FER1L6: variants seen among roughly 807,000 people sequenced by gnomAD.
The protein encoded by FER1L6 is fer-1-like protein 6.
A neutral mutation model predicts 219.2 loss-of-function variants in FER1L6; 177 were observed. The ratio of observed to expected loss-of-function variants is 0.81; its 90% CI spans 0.71 to 0.91. FER1L6 has a LOEUF of 0.91. Among genes scored for constraint, FER1L6 ranks in the 40% least tolerant of loss-of-function variants. The pLI, the probability that FER1L6 is intolerant of heterozygous loss-of-function variation, is 0.00. For missense variants in FER1L6, 2,153 were observed against 2,259.9 expected, an observed-to-expected ratio of 0.95 and a Z score of 0.96; for synonymous variants, 768 against 824.3, an observed-to-expected ratio of 0.93 and a Z score of 1.17.
intron 10 of FER1L6, among the ~76,000 whole-genome samples, chr8:123,979,898 C>A (rs1407518317): frequency 6.6e-6 from 1 of 152,148 alleles, no homozygotes; most frequent in Admixed American, 6.5e-5. Context: ...CAAGACCCAC[C>A]TACCTCTTCA....
At chr8:124,100,998 GCT>G (rs1452721196) in intron 37 of FER1L6, 97 bp from the exon 38 acceptor site, 23 of 1,100,026 alleles carry the variant, frequency 2.1e-5, no homozygotes, top group Non-Finnish European at 2.9e-5. Flanking sequence ...TTTAAACTAT[GCT>G]CTGTGACCAC....
At chr8:124,018,470 G>A (rs995868235) in intron 16 of FER1L6, among the ~76,000 whole-genome samples, 1 of 152,170 alleles carries the variant, frequency 6.6e-6, no homozygotes, top group Non-Finnish European at 1.5e-5. Flanking sequence ...CTTCGTCCCA[G>A]AATGCTTCTT....
intron 1 of FER1L6, among the ~76,000 whole-genome samples, chr8:123,943,460 TCAAA>T (rs113696630): frequency 5.3e-5 from 8 of 152,264 alleles, no homozygotes; most frequent in African/African-American, 1.9e-4. Flanking sequence ...GCACTCAATT[TCAAA>T]CAGAGATAGG....
At chr8:123,925,736 A>G (rs1195255736) in intron 1 of FER1L6, 1 of 152,174 alleles carries the variant, frequency 6.6e-6, no homozygotes, top group Non-Finnish European at 1.5e-5. Context: ...CTTGGAGACC[A>G]TTGCCGTCTG....
chr8:123,896,092 C>T (rs888477974), intron 1 of FER1L6, among the ~76,000 whole-genome samples: 3 of 152,042 alleles, frequency 2.0e-5, no homozygotes, highest in South Asian at 4.1e-4. Flanking sequence ...AAGTGCTGTC[C>T]GGGGAAGGAG....
chr8:123,907,904 A>G (rs577542498), intron 1 of FER1L6, among the ~76,000 whole-genome samples: 1 of 152,036 alleles, frequency 6.6e-6, no homozygotes, highest in African/African-American at 2.4e-5. Context: ...CACACATGGG[A>G]CATTCACAAC....
At chr8:123,974,216 G>A (rs576686173) in intron 7 of FER1L6, among the ~76,000 whole-genome samples, 12 of 152,294 alleles carry the variant, frequency 7.9e-5, no homozygotes, top group East Asian at 1.9e-4. Context: ...GCATAGCTGC[G>A]TGCAGCAGCC....
At chr8:124,056,912 C>T (rs768447062) in intron 22 of FER1L6, among the ~76,000 whole-genome samples, 1 of 152,068 alleles carries the variant, frequency 6.6e-6, no homozygotes, top group African/African-American at 2.4e-5. Context: ...GGCGCGGTGG[C>T]GTGCAATTGT....
At chr8:123,938,854 T>C (rs1814111397) in intron 1 of FER1L6, among the ~76,000 whole-genome samples, 1 of 152,198 alleles carries the variant, frequency 6.6e-6, no homozygotes, top group Non-Finnish European at 1.5e-5. Context: ...AGCCTTTACC[T>C]GTCTCTTGAG....
At chr8:124,055,576 TATA>T (rs1291036708) in intron 22 of FER1L6, among the ~76,000 whole-genome samples, 1 of 152,184 alleles carries the variant, frequency 6.6e-6, no homozygotes, top group East Asian at 1.9e-4. Flanking sequence ...CCCCTACTTT[TATA>T]ATGTTTCTCT....
chr8:124,022,810 T>C (rs1344259836), intron 17 of FER1L6, among the ~76,000 whole-genome samples: 1 of 121,102 alleles, frequency 8.3e-6, no homozygotes, highest in East Asian at 2.3e-4. Context: ...AAAGTGTTTG[T>C]CCTGCAGATG....
intron 38 of FER1L6, among the ~76,000 whole-genome samples, chr8:124,101,826 G>A (rs1822559583): frequency 6.6e-6 from 1 of 152,160 alleles, no homozygotes; most frequent in African/African-American, 2.4e-5. Flanking sequence ...GATGACATGT[G>A]TCCAAAGTGG....
chr8:124,104,051 G>A (rs928132728), intron 39 of FER1L6, among the ~76,000 whole-genome samples: 1 of 152,204 alleles, frequency 6.6e-6, no homozygotes, highest in Non-Finnish European at 1.5e-5. Context: ...AGGATCCAGT[G>A]GGTGTGAGGC....
chr8:123,915,383 A>G (rs565572514), intron 1 of FER1L6, among the ~76,000 whole-genome samples: 1 of 152,080 alleles, frequency 6.6e-6, no homozygotes, highest in Non-Finnish European at 1.5e-5. Flanking sequence ...AAGGGTCTGG[A>G]CACTTTTTAA....
intron 3 of FER1L6, among the ~76,000 whole-genome samples, chr8:123,965,015 A>G (rs576713956): frequency 6.6e-6 from 1 of 152,218 alleles, no homozygotes. Flanking sequence ...TTCACATAAT[A>G]AATAATCAGT....
chr8:123,957,026 C>T (rs1156337218), intron 2 of FER1L6, among the ~76,000 whole-genome samples: 1 of 152,138 alleles, frequency 6.6e-6, no homozygotes, highest in Non-Finnish European at 1.5e-5. Context: ...TGCTGCATAG[C>T]CTTGATTAAA....
chr8:124,112,758 C>T (rs1479091693), intron 39 of FER1L6, among the ~76,000 whole-genome samples: 2 of 152,086 alleles, frequency 1.3e-5, no homozygotes, highest in East Asian at 3.8e-4. Flanking sequence ...AAGATAAATT[C>T]TTAGCATCCT....
intron 12 of FER1L6, among the ~76,000 whole-genome samples, chr8:124,001,262 C>CTT (rs1472259727): frequency 6.6e-6 from 1 of 152,192 alleles, no homozygotes; most frequent in Non-Finnish European, 1.5e-5. Context: ...TACTATAATA[C>CTT]CTTCCTTTTG....
At chr8:123,884,674 A>G (rs750576722) in intron 1 of FER1L6, among the ~76,000 whole-genome samples, 3 of 152,146 alleles carry the variant, frequency 2.0e-5, no homozygotes, top group Non-Finnish European at 2.9e-5. Context: ...AAAAGGGACT[A>G]TTTGCAAGGA....
Sources: gnomAD v4.1 joint callset for allele counts (sites outside exome capture counted in the v4.1 genomes callset) on GRCh38, gnomAD v4.1.1 for gene constraint, MANE v1.5 for transcripts, NCBI Gene and HGNC (gene_info 2026-07-23, HGNC 2026-07-21) for gene names.